Variants in TRAF3IP1 observed in about 807,000 individuals in gnomAD.
TRAF3IP1 encodes intraflagellar transport 54, also known as TRAF3-interacting protein 1.
In TRAF3IP1, 53 loss-of-function variants were observed where a neutral mutation model predicts 89.9. The ratio of observed to expected loss-of-function variants is 0.59; its 90% confidence interval spans 0.47 to 0.74. The LOEUF is 0.74. Ranked by LOEUF, TRAF3IP1 falls within the 30% of genes least tolerant of loss-of-function variation. TRAF3IP1 has a pLI of 0.00. For synonymous variants in TRAF3IP1, 311 were observed against 322.1 expected (o/e 0.97, Z 0.37); for missense variants, 806 against 866.1 (o/e 0.93, Z 0.87).
intron 1 of TRAF3IP1, among the ~76,000 whole-genome samples, chr2:238,323,773 G>A (rs1244884473): frequency 1.3e-5 from 2 of 152,224 alleles, no homozygotes; most frequent in Non-Finnish European, 2.9e-5. Context: ...GCTACAAATT[G>A]TATTGATTTT....
In TRAF3IP1 at chr2:238,325,957, G is replaced by C. The variant is rs773398183; in HGVS notation, c.341G>C (p.Cys114Ser). 5 of 1,612,910 alleles carry C rather than the reference G, an allele frequency of 3.1e-6. No individual in the cohort carries two copies. The highest frequency in any genetic ancestry group is 3.4e-6 in the Non-Finnish European group (4 of 1,179,680). ...GAGCTGCTCCAGATAATTGGAAAAT[G>C]CTGTCTCAACAAGGTACTACTGCTG... ...TNELLQIIGK[C>S]CLNKLSSDDA... The change falls in exon 3 of 17, where the codon TGC (cysteine) becomes TCC (serine). Residue 114 changes from cysteine to serine, a missense_variant. This residue lies in a region of TRAF3IP1 where 732 missense variants were observed against 780.5 expected (regional missense o/e 0.94). Transcript: ENST00000373327.
chr2:238,320,563 G>A lies in TRAF3IP1; in HGVS notation c.-100G>A. 3 of 980,654 alleles carry A rather than the reference G, an allele frequency of 3.1e-6. No individual in the cohort carries two copies. The highest frequency in any genetic ancestry group is 3.7e-6 in the Non-Finnish European group (3 of 815,338). 60.7% of individuals were successfully genotyped at this position (980,654 alleles called of 1,614,324 possible). On this transcript the variant is annotated 5_prime_UTR_variant, in exon 1 of 17. Transcript: ENST00000373327. Reference sequence around the variant, plus strand: ...GAGCGGCGCGTCCTGGCAGGACCGGGCGGCGGCGGCGGCGGGGCCGGCGGC... The same window carrying A: ...GAGCGGCGCGTCCTGGCAGGACCGGACGGCGGCGGCGGCGGGGCCGGCGGC...
At position 238,328,689 on chromosome 2, in the gene TRAF3IP1, T is replaced by C; in HGVS notation, c.358T>C (p.Ser120Pro). 1 of 1,613,534 alleles carries C rather than the reference T, an allele frequency of 6.2e-7. No homozygotes were observed. The highest frequency in any genetic ancestry group is 1.3e-5 in the African/African-American group (1 of 74,950). The change falls in exon 4 of 17, where the codon TCT (serine) becomes CCT (proline). Residue 120 changes from serine (S) to proline (P), a missense_variant. Ser to Pro is a moderately conservative substitution (Grantham distance 74). Around this residue, in one of 3 missense-constraint regions of TRAF3IP1, gnomAD observed 732 missense variants for 780.5 expected, o/e 0.94. Coordinates refer to ENST00000373327, the MANE Select transcript of TRAF3IP1 (RefSeq NM_015650.4). ...IIGKCCLNKL[S>P]SDDAVRRVLA... ...TTCCTTCCATTTGGACGACAAGCTC[T>C]CTAGTGACGATGCGGTGCGGAGGGT...
At chr2:238,350,861 C>T (rs553316043) in intron 12 of TRAF3IP1, among the ~76,000 whole-genome samples, 10 of 151,818 alleles carry the variant, frequency 6.6e-5, no homozygotes, top group Non-Finnish European at 1.3e-4. Context: ...AAACAGGGCT[C>T]GGCTGTGCCA....
chr2:238,335,270 T>A (rs917234363), intron 7 of TRAF3IP1, among the ~76,000 whole-genome samples: 1 of 152,178 alleles, frequency 6.6e-6, no homozygotes, highest in Non-Finnish European at 1.5e-5. Flanking sequence ...CATTTTTTTT[T>A]ACTTAATTTC....
chr2:238,337,105 GAGT>G, intron 7 of TRAF3IP1, among the ~76,000 whole-genome samples: 1 of 152,244 alleles, frequency 6.6e-6, no homozygotes, highest in African/African-American at 2.4e-5. Flanking sequence ...TTCCTACCCT[GAGT>G]CAATCACAGG....
chr2:238,400,455 C>A lies in TRAF3IP1; in HGVS notation c.*1536C>A, dbSNP rs1399292038. On this transcript the variant is annotated 3_prime_UTR_variant, in exon 17 of 17. Transcript: ENST00000373327. ...CGTTGGGTTTTTCTTCATACAATTTCCAAAATAAATTCTGTACTCAGGTTG... is the reference window on the plus strand; with the variant it reads ...CGTTGGGTTTTTCTTCATACAATTTACAAAATAAATTCTGTACTCAGGTTG... 6.6e-6 allele frequency: 1 copy of A among 152,170 alleles called. No individual in the cohort carries two copies. Among genetic ancestry groups the A allele is most frequent in the Admixed American group, 6.5e-5 (1 of 15,274 alleles). 9.4% of individuals were successfully genotyped at this position (152,170 alleles called of 1,614,324 possible). A position where few individuals can be genotyped will look rare whatever the true frequency, so the allele number is the denominator to read the frequency against.
At position 238,325,801 on chromosome 2, in the gene TRAF3IP1, T is replaced by C. The variant is rs1697798310; in HGVS notation, c.193-8T>C. On this transcript the variant is annotated splice_polypyrimidine_tract_variant and splice_region_variant and intron_variant, in intron 2 of 16. Transcript: ENST00000373327. ...GTAATATTTGTATTTTCAATGGAAA[T>C]GTTTCAGGATAAAGATGCAAAAATT... 1.2e-6 allele frequency: 2 copies of C among 1,608,210 alleles called. No homozygotes were observed. The highest frequency in any genetic ancestry group is 8.5e-7 in the Non-Finnish European group (1 of 1,177,544).
chr2:238,395,155 C>T (rs1342977002), intron 15 of TRAF3IP1, among the ~76,000 whole-genome samples: 1 of 151,966 alleles, frequency 6.6e-6, no homozygotes, highest in Non-Finnish European at 1.5e-5. Flanking sequence ...CACTTGAGCC[C>T]AGGAGTTTGA....
At chr2:238,380,104 G>A (rs917466857) in intron 15 of TRAF3IP1, among the ~76,000 whole-genome samples, 5 of 152,320 alleles carry the variant, frequency 3.3e-5, no homozygotes, top group East Asian at 1.9e-4. Flanking sequence ...GCTCAGAGAC[G>A]TCTACGTATT....
At chr2:238,324,225 G>A (rs1466271233) in intron 1 of TRAF3IP1, among the ~76,000 whole-genome samples, 1 of 151,976 alleles carries the variant, frequency 6.6e-6, no homozygotes, top group Non-Finnish European at 1.5e-5. Flanking sequence ...CCACCACCAT[G>A]CCTGGCTAAT....
intron 15 of TRAF3IP1, among the ~76,000 whole-genome samples, chr2:238,365,584 C>T (rs1699839673): frequency 6.6e-6 from 1 of 151,904 alleles, no homozygotes; most frequent in Admixed American, 6.6e-5. Flanking sequence ...CTTGAGCCCA[C>T]AAGTTTGAGG....
At chr2:238,357,231 A>G (rs1390458986) in intron 15 of TRAF3IP1, among the ~76,000 whole-genome samples, 1 of 152,154 alleles carries the variant, frequency 6.6e-6, no homozygotes, top group East Asian at 1.9e-4. Flanking sequence ...TAGGGCGGGC[A>G]CCTGTGGGCC....
At chr2:238,385,169 C>T (rs1489886737) in intron 15 of TRAF3IP1, among the ~76,000 whole-genome samples, 2 of 152,076 alleles carry the variant, frequency 1.3e-5, no homozygotes, top group African/African-American at 2.4e-5. Context: ...GTGCCTGCCA[C>T]CACGCCCGGC....
chr2:238,360,845 A>G (rs924861920), intron 15 of TRAF3IP1, among the ~76,000 whole-genome samples: 1 of 151,674 alleles, frequency 6.6e-6, no homozygotes. Context: ...GCGCCACTGC[A>G]CTCCAGCCTG....
At chr2:238,343,635 C>T (rs1698759534) in intron 8 of TRAF3IP1, among the ~76,000 whole-genome samples, 1 of 146,828 alleles carries the variant, frequency 6.8e-6, no homozygotes, top group South Asian at 2.2e-4. Flanking sequence ...GCATGAGCCA[C>T]TGTGCTTGGC....
intron 15 of TRAF3IP1, among the ~76,000 whole-genome samples, chr2:238,377,229 T>G (rs553634339): frequency 8.5e-6 from 1 of 117,220 alleles, no homozygotes; most frequent in South Asian, 2.9e-4. Context: ...TTCCTGATTT[T>G]CTTTTTTTTT....
At chr2:238,378,798 C>A (rs565685576) in intron 15 of TRAF3IP1, among the ~76,000 whole-genome samples, 1 of 152,138 alleles carries the variant, frequency 6.6e-6, no homozygotes, top group Non-Finnish European at 1.5e-5. Flanking sequence ...AGCCGGGACC[C>A]CCCCCCAGGC....
At chr2:238,378,001 G>A (rs1486762664) in intron 15 of TRAF3IP1, among the ~76,000 whole-genome samples, 1 of 152,048 alleles carries the variant, frequency 6.6e-6, no homozygotes, top group Non-Finnish European at 1.5e-5. Flanking sequence ...ATGTAGTTTA[G>A]TTTAGTTTAG....
Sources: allele counts gnomAD v4.1 joint callset (sites outside exome capture counted in the v4.1 genomes callset), GRCh38; gene constraint gnomAD v4.1.1; regional missense constraint gnomAD v4.1.1; transcripts MANE v1.5; gene names NCBI Gene and HGNC (gene_info 2026-07-23, HGNC 2026-07-21).